Variants in B3GALT1 observed in about 807,000 individuals in gnomAD.
B3GALT1 encodes the protein UDP-Gal:betaGlcNAc beta 1,3-galactosyltransferase, polypeptide 1.
In B3GALT1, 10 loss-of-function variants were observed where a neutral mutation model predicts 23.2. The observed-to-expected ratio is 0.43, with a 90% CI of 0.27 to 0.73. The LOEUF (loss-of-function observed/expected upper bound fraction) is 0.73. B3GALT1 is among the 30% of genes least tolerant of loss of function. The probability of loss-of-function intolerance (pLI) is 0.21; values close to 1 mark genes in which losing one functional copy is unlikely to be tolerated. For synonymous variants in B3GALT1, 156 were observed against 141.5 expected (o/e 1.10, Z -0.73); for missense variants, 299 against 405.4 (o/e 0.74, Z 2.25).
intron 3 of B3GALT1, among the ~76,000 whole-genome samples, chr2:167,732,352 G>C (rs1687422221): frequency 1.3e-5 from 2 of 152,232 alleles, no homozygotes; most frequent in Non-Finnish European, 2.9e-5. Flanking sequence ...GTTGTGAGTA[G>C]TACTGACGTA....
intron 3 of B3GALT1, among the ~76,000 whole-genome samples, chr2:167,756,757 G>T (rs772431539): frequency 1.7e-4 from 26 of 152,172 alleles, no homozygotes; most frequent in Non-Finnish European, 2.9e-4. Context: ...AATTTCAGAG[G>T]CAGAAAGAGA....
Position 167,293,332 on chromosome 2 carries a change from C to G in B3GALT1, c.-513C>G, listed in dbSNP as rs373675441. 1 of 152,244 alleles carries G rather than the reference C, an allele frequency of 6.6e-6. No homozygotes were observed. The highest frequency in any genetic ancestry group is 2.1e-4 in the South Asian group (1 of 4,830). 9.4% of individuals were successfully genotyped at this position (152,244 alleles called of 1,614,324 possible). The stretch of plus-strand genomic sequence containing the variant: ...CAGCGGCCGGAGACCACGCGCCCCG[C>G]GGGTAAGGTTCTGTCCGGCAGCGCC... On this transcript the variant is annotated splice_region_variant and 5_prime_UTR_variant, in exon 1 of 5. Coordinates refer to ENST00000392690, the MANE Select transcript of B3GALT1 (RefSeq NM_020981.4).
chr2:167,512,635 TACATATATA>T (rs1700040841), intron 2 of B3GALT1, among the ~76,000 whole-genome samples: 6 of 88,934 alleles, frequency 6.7e-5, no homozygotes, highest in African/African-American at 1.5e-4. Context: ...TATATATATA[TACATATATA>T]TATATATTTT....
intron 2 of B3GALT1, among the ~76,000 whole-genome samples, chr2:167,573,974 G>C (rs1045791836): frequency 1.3e-5 from 2 of 151,604 alleles, no homozygotes; most frequent in Admixed American, 1.3e-4. Flanking sequence ...ATATGTAAGA[G>C]TAACAATATG....
intron 3 of B3GALT1, among the ~76,000 whole-genome samples, chr2:167,806,164 T>C (rs1398269162): frequency 6.6e-6 from 1 of 152,192 alleles, no homozygotes; most frequent in African/African-American, 2.4e-5. Context: ...CTTGTGATTT[T>C]TGTACATTGA....
At chr2:167,325,884 A>G (rs781182405) in intron 1 of B3GALT1, among the ~76,000 whole-genome samples, 2 of 151,212 alleles carry the variant, frequency 1.3e-5, no homozygotes, top group Non-Finnish European at 1.5e-5. Flanking sequence ...CACCTGGCTA[A>G]TTTTTCTATT....
At chr2:167,843,767 A>G (rs950730277) in intron 4 of B3GALT1, among the ~76,000 whole-genome samples, 1 of 152,190 alleles carries the variant, frequency 6.6e-6, no homozygotes, top group African/African-American at 2.4e-5. Flanking sequence ...CCTCTGAAAT[A>G]TTAGTGGCCT....
intron 1 of B3GALT1, among the ~76,000 whole-genome samples, chr2:167,301,716 A>G (rs1696448102): frequency 6.6e-6 from 1 of 152,028 alleles, no homozygotes; most frequent in Non-Finnish European, 1.5e-5. Flanking sequence ...ACACCTGGCT[A>G]ATTTTTTATT....
intron 3 of B3GALT1, among the ~76,000 whole-genome samples, chr2:167,730,084 C>G (rs1333954530): frequency 1.3e-5 from 2 of 152,176 alleles, no homozygotes; most frequent in Non-Finnish European, 2.9e-5. Context: ...CTCTTTATGA[C>G]AGCCAAAAAT....
intron 3 of B3GALT1, among the ~76,000 whole-genome samples, chr2:167,661,084 G>C (rs1457216324): frequency 6.6e-6 from 1 of 152,082 alleles, no homozygotes; most frequent in African/African-American, 2.4e-5. Flanking sequence ...TTGTGCAACG[G>C]AGCTTAAATC....
intron 1 of B3GALT1, among the ~76,000 whole-genome samples, chr2:167,334,482 AT>A (rs1467176404): frequency 6.6e-6 from 1 of 152,188 alleles, no homozygotes; most frequent in East Asian, 1.9e-4. Context: ...CAAGTTTGTA[AT>A]TCCCTGTGAA....
At chr2:167,851,406 CT>C (rs1414832923) in intron 4 of B3GALT1, among the ~76,000 whole-genome samples, 6 of 152,160 alleles carry the variant, frequency 3.9e-5, no homozygotes, top group Non-Finnish European at 8.8e-5. Flanking sequence ...CACAGAACAT[CT>C]TAACTGTCCA....
intron 1 of B3GALT1, among the ~76,000 whole-genome samples, chr2:167,421,243 A>G (rs1698542944): frequency 6.6e-6 from 1 of 152,214 alleles, no homozygotes; most frequent in Admixed American, 6.5e-5. Flanking sequence ...CTTTAGTTGT[A>G]CTAGTCACAT....
In B3GALT1 at chr2:167,461,353, C is replaced by A. The variant is rs75761573; in HGVS notation, c.-510-28824C>A. Among the ~76,000 whole-genome samples, 884 of 152,308 alleles carry A rather than the reference C, an allele frequency of 5.8e-3. 9 individuals are homozygous for A. The highest frequency in any genetic ancestry group is 0.02 in the African/African-American group (848 of 41,562). On this transcript the variant is annotated intron_variant, in intron 1 of 4. Transcript: ENST00000392690. ...ATCCCTCTAAAAGTTTCAAACCTTC[C>A]ATAGACGCCAGATTTCTAAAACAGT...
chr2:167,488,535 C>G (rs1699657985), intron 1 of B3GALT1, among the ~76,000 whole-genome samples: 2 of 152,230 alleles, frequency 1.3e-5, no homozygotes, highest in Non-Finnish European at 1.5e-5. Flanking sequence ...TAAAGACTGT[C>G]ACTCAAAATC....
chr2:167,363,335 C>G (rs1040072160), intron 1 of B3GALT1, among the ~76,000 whole-genome samples: 1 of 151,854 alleles, frequency 6.6e-6, no homozygotes, highest in African/African-American at 2.4e-5. Context: ...TTCACACTTG[C>G]CTCATTTTCT....
chr2:167,471,401 T>C (rs1049258877), intron 1 of B3GALT1, among the ~76,000 whole-genome samples: 16 of 152,146 alleles, frequency 1.1e-4, no homozygotes, highest in African/African-American at 3.9e-4. Flanking sequence ...CCAAACCCCA[T>C]CTTCTAAATT....
At chr2:167,782,676 C>T (rs12614317) in intron 3 of B3GALT1, among the ~76,000 whole-genome samples, 63,082 of 152,002 alleles carry the variant, frequency 0.42, 13,703 homozygotes, top group African/African-American at 0.55. Context: ...CTTCCCAGCT[C>T]CTGGGGGGGA....
At chr2:167,814,852 G>C (rs1688963671) in intron 3 of B3GALT1, 1 of 152,194 alleles carries the variant, frequency 6.6e-6, no homozygotes, top group Non-Finnish European at 1.5e-5. Context: ...GGCTTTTCTG[G>C]CAAACCAGCT....
Sources: allele counts gnomAD v4.1 joint callset (sites outside exome capture counted in the v4.1 genomes callset), GRCh38; gene constraint gnomAD v4.1.1; transcripts MANE v1.5; gene names NCBI Gene and HGNC (gene_info 2026-07-23, HGNC 2026-07-21).